The following SANBR variants were observed in gnomAD, a reference collection of about 807,000 sequenced individuals.
SANBR encodes the protein SANT and BTB domain regulator of CSR.
SANBR carries 77 observed loss-of-function variants against 101.8 expected under a neutral mutation model. That is an observed-to-expected ratio of 0.76 (90% CI 0.63 to 0.91). The LOEUF is 0.91. Ranked by LOEUF, SANBR falls within the 40% of genes least tolerant of loss-of-function variation. The pLI, the probability that SANBR is intolerant of heterozygous loss-of-function variation, is 0.00. For synonymous variants in SANBR, 279 were observed against 274.7 expected (o/e 1.02, Z -0.15); for missense variants, 875 against 853.0 (o/e 1.03, Z -0.32).
At chr2:61,085,753 C>T (rs566099129) in intron 8 of SANBR, among the ~76,000 whole-genome samples, 24 of 152,136 alleles carry the variant, frequency 1.6e-4, no homozygotes, top group South Asian at 6.2e-4. Context: ...TCAGGTGATC[C>T]GCCCGCCTCG....
chr2:61,078,239 G>A (rs562645960), intron 6 of SANBR, among the ~76,000 whole-genome samples: 2 of 152,070 alleles, frequency 1.3e-5, no homozygotes, highest in South Asian at 2.1e-4. Flanking sequence ...TGTTATTAAC[G>A]GAGTCAGAAA....
At chr2:61,068,097 TAGA>T (rs1454181123) in intron 1 of SANBR, among the ~76,000 whole-genome samples, 1 of 152,198 alleles carries the variant, frequency 6.6e-6, no homozygotes, top group Non-Finnish European at 1.5e-5. Context: ...GAATCAAAGA[TAGA>T]AGGCCCAGCC....
chr2:61,086,140 G>C (rs966821391), intron 8 of SANBR, among the ~76,000 whole-genome samples: 15 of 151,910 alleles, frequency 9.9e-5, no homozygotes, highest in African/African-American at 2.9e-4. Context: ...TTTCAATGTA[G>C]AGATATTTTT....
intron 11 of SANBR, among the ~76,000 whole-genome samples, chr2:61,094,558 A>G (rs1682931774): frequency 6.6e-6 from 1 of 151,544 alleles, no homozygotes; most frequent in African/African-American, 2.4e-5. Flanking sequence ...TGGAGCCATT[A>G]TGAAGAAAGC....
intron 1 of SANBR, among the ~76,000 whole-genome samples, chr2:61,067,113 CT>C (rs949368073): frequency 2.0e-5 from 3 of 152,106 alleles, no homozygotes; most frequent in African/African-American, 7.2e-5. Context: ...AATGCTATGC[CT>C]TTTATACTTA....
At chr2:61,067,991 C>G (rs1681268760) in intron 1 of SANBR, among the ~76,000 whole-genome samples, 1 of 152,160 alleles carries the variant, frequency 6.6e-6, no homozygotes, top group South Asian at 2.1e-4. Context: ...GAGTGAATTC[C>G]AAAGGATACA....
chr2:61,080,209 A>G (rs1429626465), intron 6 of SANBR, among the ~76,000 whole-genome samples: 5 of 151,726 alleles, frequency 3.3e-5, no homozygotes, highest in Non-Finnish European at 7.4e-5. Context: ...AAAAAAAAAA[A>G]AAAAAGCAGC....
chr2:61,078,360 C>T (rs548983241), intron 6 of SANBR, among the ~76,000 whole-genome samples: 3 of 152,214 alleles, frequency 2.0e-5, no homozygotes, highest in East Asian at 3.9e-4. Flanking sequence ...TATGGGAATC[C>T]AGTTGTCTTC....
intron 5 of SANBR, among the ~76,000 whole-genome samples, chr2:61,074,071 A>G (rs1428061513): frequency 6.6e-6 from 1 of 152,242 alleles, no homozygotes; most frequent in Non-Finnish European, 1.5e-5. Flanking sequence ...GATGTACCAT[A>G]TAACCATCAC....
chr2:61,108,458 A>G (rs1683676568), intron 15 of SANBR, 109 bp downstream of exon 15: 4 of 646,774 alleles, frequency 6.2e-6, no homozygotes, highest in Non-Finnish European at 1.0e-5. Flanking sequence ...AGTTAAATGT[A>G]CATCTTCCTT....
chr2:61,089,893 A>G, intron 10 of SANBR, among the ~76,000 whole-genome samples: 1 of 151,948 alleles, frequency 6.6e-6, no homozygotes, highest in East Asian at 1.9e-4. Flanking sequence ...CCTGGGCTCA[A>G]GAGATCTTCT....
At chr2:61,114,846 A>G (rs1683998132) in intron 16 of SANBR, among the ~76,000 whole-genome samples, 1 of 151,962 alleles carries the variant, frequency 6.6e-6, no homozygotes, top group African/African-American at 2.4e-5. Flanking sequence ...TTGTAGAGAC[A>G]AGGTCTCCTT....
intron 8 of SANBR, 125 bp downstream of exon 8, chr2:61,083,439 C>G: frequency 1.4e-6 from 1 of 694,518 alleles, no homozygotes; most frequent in Non-Finnish European, 2.4e-6. Flanking sequence ...CTCTGTTGTT[C>G]AGGCTGGAGT....
At chr2:61,111,803 G>A (rs1432450147) in intron 16 of SANBR, among the ~76,000 whole-genome samples, 1 of 152,202 alleles carries the variant, frequency 6.6e-6, no homozygotes, top group Admixed American at 6.5e-5. Flanking sequence ...GGAATCATGA[G>A]TAGTTTTTTG....
At chr2:61,127,251 C>G (rs1684539689), downstream of SANBR, among the ~76,000 whole-genome samples, 1 of 152,172 alleles carries the variant, frequency 6.6e-6, no homozygotes, top group Non-Finnish European at 1.5e-5. Flanking sequence ...TGGGTGGTAT[C>G]TCCAATATCT....
intron 12 of SANBR, among the ~76,000 whole-genome samples, chr2:61,103,331 G>C (rs1683387145): frequency 6.6e-6 from 1 of 151,796 alleles, no homozygotes. Context: ...TAGAGACAGG[G>C]TTTTGCCATG....
intron 6 of SANBR, 143 bp downstream of exon 6, chr2:61,077,301 A>G: frequency 1.5e-6 from 1 of 664,478 alleles, no homozygotes; most frequent in East Asian, 2.5e-5. Flanking sequence ...GAAACTGATA[A>G]CCTCATCTTT....
At chr2:61,082,426 A>C (rs1682182767) in intron 7 of SANBR, among the ~76,000 whole-genome samples, 1 of 152,218 alleles carries the variant, frequency 6.6e-6, no homozygotes, top group East Asian at 1.9e-4. Flanking sequence ...AGAGGATGGA[A>C]GGAAGAGAGC....
At position 61,116,085 on chromosome 2, in the gene SANBR, T is replaced by C. The variant is rs201988325; in HGVS notation, c.1836+15T>C. ...CATTGGAGAAGGTAACTCTGAATTA[T>C]CTGTTGTTAAAGTTCATATGGAAAA... On this transcript the variant is annotated intron_variant, in intron 17 of 21. Transcript: ENST00000402291. The C allele has an allele frequency of 1.1e-4, 162 of 1,541,596 alleles. No homozygotes were observed. The African/African-American group carries it at 1.2e-3, about 12-fold the overall frequency.
Sources: gnomAD v4.1 joint callset for allele counts (sites outside exome capture counted in the v4.1 genomes callset) on GRCh38, gnomAD v4.1.1 for gene constraint, MANE v1.5 for transcripts, NCBI Gene and HGNC (gene_info 2026-07-23, HGNC 2026-07-21) for gene names.